The following SGCD variants were observed in gnomAD, a reference collection of about 807,000 sequenced individuals.
The protein encoded by SGCD is sarcoglycan delta.
Under a neutral mutation model 36.6 loss-of-function variants are expected in SGCD, and 18 were observed. That is an observed-to-expected ratio of 0.49 (90% CI 0.34 to 0.73). The LOEUF (loss-of-function observed/expected upper bound fraction) is 0.73. SGCD is among the 30% of genes least tolerant of loss of function. The pLI, the probability that SGCD is intolerant of heterozygous loss-of-function variation, is 0.01. For synonymous variants in SGCD, 133 were observed against 130.6 expected (o/e 1.02, Z -0.12); for missense variants, 387 against 346.7 (o/e 1.12, Z -0.92).
At chr5:156,039,513 G>A (rs181555366) in intron 1 of SGCD, among the ~76,000 whole-genome samples, 2 of 152,208 alleles carry the variant, frequency 1.3e-5, no homozygotes, top group East Asian at 1.9e-4. Context: ...GATTGCTAGG[G>A]TCTAATAAAG....
chr5:156,332,747 G>A (rs752082353), intron 2 of SGCD, among the ~76,000 whole-genome samples: 6 of 152,126 alleles, frequency 3.9e-5, no homozygotes, highest in Non-Finnish European at 8.8e-5. Context: ...TTATAGCTAA[G>A]ACTGAAAACA....
intron 1 of SGCD, among the ~76,000 whole-genome samples, chr5:155,927,996 G>A (rs7714857): frequency 3.9e-5 from 6 of 152,106 alleles, no homozygotes; most frequent in Non-Finnish European, 8.8e-5. Context: ...GATAACAAAA[G>A]GCGTGCTCAT....
intron 3 of SGCD, among the ~76,000 whole-genome samples, chr5:156,440,650 T>A (rs1753446166): frequency 6.6e-6 from 1 of 152,164 alleles, no homozygotes; most frequent in South Asian, 2.1e-4. Context: ...ATTATTGCCA[T>A]CCTAGTGGGT....
At chr5:156,320,504 T>G (rs1026712025) in intron 3 of SGCD, among the ~76,000 whole-genome samples, 2 of 152,196 alleles carry the variant, frequency 1.3e-5, no homozygotes, top group African/African-American at 4.8e-5. Context: ...TGTTTTTCAC[T>G]GAAAAGAAAC....
At chr5:156,071,237 G>C (rs201885749) in intron 1 of SGCD, among the ~76,000 whole-genome samples, 1 of 152,024 alleles carries the variant, frequency 6.6e-6, no homozygotes, top group African/African-American at 2.4e-5. Flanking sequence ...TGTCAATTTT[G>C]GATCTTTCCT....
chr5:156,162,408 G>A (rs943702554), intron 3 of SGCD, among the ~76,000 whole-genome samples: 3 of 151,530 alleles, frequency 2.0e-5, no homozygotes, highest in Non-Finnish European at 4.4e-5. Context: ...TGAGGTGTGT[G>A]TGATGGAGGT....
intron 7 of SGCD, among the ~76,000 whole-genome samples, chr5:156,718,507 C>T (rs1755328275): frequency 6.6e-6 from 1 of 152,000 alleles, no homozygotes; most frequent in South Asian, 2.1e-4. Context: ...AGGCCAGGCT[C>T]AGTGGCTCAC....
chr5:156,059,907 G>A (rs1760159353), intron 1 of SGCD, among the ~76,000 whole-genome samples: 1 of 146,224 alleles, frequency 6.8e-6, no homozygotes, highest in Non-Finnish European at 1.5e-5. Context: ...CTTTTTAGCT[G>A]CTAATGGACC....
At chr5:156,527,704 C>T (rs1212662429) in intron 4 of SGCD, among the ~76,000 whole-genome samples, 1 of 152,070 alleles carries the variant, frequency 6.6e-6, no homozygotes, top group Non-Finnish European at 1.5e-5. Flanking sequence ...ATTTTTAAGC[C>T]TAATTTTACT....
the SGCD span, among the ~76,000 whole-genome samples, chr5:155,851,173 C>A: frequency 6.6e-6 from 1 of 152,156 alleles, no homozygotes; most frequent in Admixed American, 6.6e-5. Context: ...AGGATTCTGA[C>A]TTACAAATCT....
chr5:155,740,062 GA>G, the SGCD span, among the ~76,000 whole-genome samples: 1 of 152,148 alleles, frequency 6.6e-6, no homozygotes, highest in Non-Finnish European at 1.5e-5. Context: ...CCAAATGTTT[GA>G]AATGCATTCA....
chr5:155,746,963 T>C, the SGCD span, among the ~76,000 whole-genome samples: 3 of 152,156 alleles, frequency 2.0e-5, no homozygotes, highest in Non-Finnish European at 2.9e-5. Context: ...ACAGGCATTT[T>C]CCCTCCTTTC....
rs542145714 is a variant in SGCD, at chr5:156,504,620, C to T, written c.193-3981C>T. Among the ~76,000 whole-genome samples, 5 of 151,854 alleles carry T rather than the reference C, an allele frequency of 3.3e-5. No individual in the cohort carries two copies. In the South Asian group the frequency reaches 1.0e-3, roughly 32 times the overall value. On this transcript the variant is annotated intron_variant, in intron 3 of 8. Coordinates refer to ENST00000337851, the MANE Select transcript of SGCD (RefSeq NM_000337.6). ...CAACTTTACATAGTTTTTATTTTTT[C>T]TCTTATTAACTGACATGGTGACGAA...
At chr5:156,281,375 G>A (rs1766448976) in intron 3 of SGCD, among the ~76,000 whole-genome samples, 1 of 152,128 alleles carries the variant, frequency 6.6e-6, no homozygotes, top group African/African-American at 2.4e-5. Flanking sequence ...TGTAATGCAA[G>A]GAATGACGAT....
At chr5:156,553,730 C>T (rs1161069518) in intron 4 of SGCD, among the ~76,000 whole-genome samples, 4 of 152,158 alleles carry the variant, frequency 2.6e-5, no homozygotes, top group Non-Finnish European at 4.4e-5. Flanking sequence ...CTGCATGTGA[C>T]TTCTTTCCCT....
intron 3 of SGCD, among the ~76,000 whole-genome samples, chr5:156,144,436 GGT>G (rs1762662100): frequency 6.6e-6 from 1 of 152,148 alleles, no homozygotes; most frequent in Non-Finnish European, 1.5e-5. Flanking sequence ...CATTCTAACT[GGT>G]GTGAGATGGT....
intron 7 of SGCD, among the ~76,000 whole-genome samples, chr5:156,757,061 AAG>A (rs1757360986): frequency 1.3e-5 from 2 of 152,092 alleles, no homozygotes; most frequent in East Asian, 1.9e-4. Context: ...TTAGAAAGGA[AAG>A]AGGAGGTAAA....
intron 4 of SGCD, among the ~76,000 whole-genome samples, chr5:156,588,109 G>A (rs1760570244): frequency 6.6e-6 from 1 of 151,856 alleles, no homozygotes; most frequent in Non-Finnish European, 1.5e-5. Context: ...TTCTGTGTCA[G>A]AGATTCATCC....
At chr5:155,792,195 G>C in the SGCD span, among the ~76,000 whole-genome samples, 13 of 152,172 alleles carry the variant, frequency 8.5e-5, no homozygotes, top group East Asian at 2.5e-3. Flanking sequence ...GTAACTGGCT[G>C]TCCATATGCA....
Sources: gnomAD v4.1 joint callset for allele counts (sites outside exome capture counted in the v4.1 genomes callset) on GRCh38, gnomAD v4.1.1 for gene constraint, MANE v1.5 for transcripts, NCBI Gene and HGNC (gene_info 2026-07-23, HGNC 2026-07-21) for gene names.